The following SUCLG2 variants were observed in gnomAD, a reference collection of about 807,000 sequenced individuals.
SUCLG2 encodes the protein succinate--CoA ligase [GDP-forming] subunit beta, mitochondrial.
SUCLG2 carries 42 observed loss-of-function variants against 47.9 expected under a neutral mutation model. That is an observed-to-expected ratio of 0.88 (90% CI 0.69 to 1.14). The LOEUF (loss-of-function observed/expected upper bound fraction) is 1.14, where lower values mean the gene tolerates loss of function less well. SUCLG2 is among the 50% of genes most tolerant of loss of function. The probability of loss-of-function intolerance (pLI) is 0.00; values close to 1 mark genes in which losing one functional copy is unlikely to be tolerated. For missense variants in SUCLG2, 571 were observed against 525.9 expected (o/e 1.09, Z -0.84); for synonymous variants, 195 against 197.3 (o/e 0.99, Z 0.10).
At chr3:67,363,534 C>G (rs1434288904) in intron 10 of SUCLG2, among the ~76,000 whole-genome samples, 1 of 152,164 alleles carries the variant, frequency 6.6e-6, no homozygotes, top group African/African-American at 2.4e-5. Context: ...TAAGGCTACA[C>G]ATAGTGCAAT....
At chr3:67,647,939 C>T (rs1049752704) in intron 1 of SUCLG2, among the ~76,000 whole-genome samples, 1 of 152,212 alleles carries the variant, frequency 6.6e-6, no homozygotes, top group African/African-American at 2.4e-5. Context: ...GATGGCAGCA[C>T]ATGATAAATG....
chr3:67,480,782 C>T (rs576508946), intron 9 of SUCLG2, among the ~76,000 whole-genome samples: 2 of 152,292 alleles, frequency 1.3e-5, no homozygotes, highest in South Asian at 4.1e-4. Flanking sequence ...TTGGCCTGGC[C>T]TGGGCGAAAG....
chr3:67,407,255 C>T (rs1702834937), intron 9 of SUCLG2, among the ~76,000 whole-genome samples: 1 of 152,138 alleles, frequency 6.6e-6, no homozygotes, highest in Non-Finnish European at 1.5e-5. Context: ...GTTCATTTCC[C>T]CTCAAATTCA....
chr3:67,401,379 A>G (rs1021419163), intron 9 of SUCLG2, among the ~76,000 whole-genome samples: 1 of 152,136 alleles, frequency 6.6e-6, no homozygotes, highest in African/African-American at 2.4e-5. Context: ...AAAATCAGAG[A>G]TAGTTTAATT....
intron 10 of SUCLG2, among the ~76,000 whole-genome samples, chr3:67,390,940 G>C (rs1270732013): frequency 6.6e-6 from 1 of 152,084 alleles, no homozygotes; most frequent in East Asian, 1.9e-4. Context: ...TATGTCTGAA[G>C]AGGAATATGC....
At chr3:67,576,369 T>C (rs1470904459) in intron 2 of SUCLG2, among the ~76,000 whole-genome samples, 3 of 152,058 alleles carry the variant, frequency 2.0e-5, no homozygotes, top group South Asian at 2.1e-4. Context: ...AAGTATTTCA[T>C]GTGGGCCAGT....
intron 10 of SUCLG2, among the ~76,000 whole-genome samples, chr3:67,397,107 T>G (rs1443674440): frequency 6.6e-6 from 1 of 151,332 alleles, no homozygotes; most frequent in Admixed American, 6.6e-5. Context: ...CTTTGAAAAC[T>G]GGCACAAGAC....
At chr3:67,371,592 G>A (rs1312911849), downstream of SUCLG2, among the ~76,000 whole-genome samples, 2 of 152,154 alleles carry the variant, frequency 1.3e-5, no homozygotes, top group Admixed American at 6.6e-5. Flanking sequence ...CATTCACATT[G>A]TAGTCCATAT....
chr3:67,368,466 T>C (rs1701904671), intron 10 of SUCLG2, among the ~76,000 whole-genome samples: 1 of 152,174 alleles, frequency 6.6e-6, no homozygotes, highest in South Asian at 2.1e-4. Context: ...ATTATCCTTA[T>C]GTTGGATTGT....
rs542531823 is a variant in SUCLG2, at chr3:67,634,480, A to G, written c.84+20023T>C. Among the ~76,000 whole-genome samples the G allele has an allele frequency of 2.0e-5, 3 of 152,338 alleles. No individual in the cohort carries two copies. In the East Asian group the frequency reaches 5.8e-4, roughly 29 times the overall value. On this transcript the variant is annotated intron_variant, in intron 1 of 10. Transcript: ENST00000307227. Reference sequence around the variant, plus strand: ...AAGAATTCTGGTGCAAACAAAGTCAACTATTAGTTATCTTATAAAGTTTAT... The same window carrying G: ...AAGAATTCTGGTGCAAACAAAGTCAGCTATTAGTTATCTTATAAAGTTTAT...
chr3:67,612,077 G>T (rs959567397), intron 1 of SUCLG2, among the ~76,000 whole-genome samples: 2 of 152,182 alleles, frequency 1.3e-5, no homozygotes, highest in Admixed American at 1.3e-4. Flanking sequence ...AGCTGGGTGT[G>T]GGCAGGCGCA....
chr3:67,623,856 G>C (rs1167338662), intron 1 of SUCLG2, among the ~76,000 whole-genome samples: 1 of 152,176 alleles, frequency 6.6e-6, no homozygotes, highest in Non-Finnish European at 1.5e-5. Context: ...ACGTGAAGGT[G>C]CTTTGTAAAC....
At chr3:67,549,517 A>C (rs1342509323) in intron 2 of SUCLG2, among the ~76,000 whole-genome samples, 1 of 152,226 alleles carries the variant, frequency 6.6e-6, no homozygotes, top group Non-Finnish European at 1.5e-5. Flanking sequence ...AAATGATATT[A>C]ATATAAAGCC....
At chr3:67,360,811 A>G (rs1385246886) in intron 10 of SUCLG2, 9 of 1,438,048 alleles carry the variant, frequency 6.3e-6, no homozygotes, top group Non-Finnish European at 8.3e-6. Flanking sequence ...TTTTCTTGCA[A>G]TATATTTAGA....
intron 9 of SUCLG2, among the ~76,000 whole-genome samples, chr3:67,426,178 T>TA (rs1345828701): frequency 2.0e-5 from 3 of 151,376 alleles, no homozygotes; most frequent in African/African-American, 4.9e-5. Context: ...GCTAAAAGAA[T>TA]AAAAAAAACA....
At chr3:67,366,258 G>A (rs749716473) in intron 10 of SUCLG2, among the ~76,000 whole-genome samples, 1 of 152,042 alleles carries the variant, frequency 6.6e-6, no homozygotes, top group Non-Finnish European at 1.5e-5. Context: ...TCAGGAGATC[G>A]AGACCATCCT....
At chr3:67,437,105 G>A (rs546083698) in intron 9 of SUCLG2, among the ~76,000 whole-genome samples, 10 of 152,162 alleles carry the variant, frequency 6.6e-5, no homozygotes, top group African/African-American at 2.4e-4. Flanking sequence ...TGGGAGTGGG[G>A]AGAAGTTTTA....
At chr3:67,609,110 G>A (rs1247799865) in intron 2 of SUCLG2, among the ~76,000 whole-genome samples, 1 of 152,210 alleles carries the variant, frequency 6.6e-6, no homozygotes, top group Admixed American at 6.5e-5. Flanking sequence ...ACCTCTAGGT[G>A]TGCCAGGGAA....
At chr3:67,622,732 G>T (rs1314953942) in intron 1 of SUCLG2, among the ~76,000 whole-genome samples, 1 of 152,126 alleles carries the variant, frequency 6.6e-6, no homozygotes, top group African/African-American at 2.4e-5. Flanking sequence ...TAACTACTTT[G>T]AAAAGATTAA....
Sources: allele counts gnomAD v4.1 joint callset (sites outside exome capture counted in the v4.1 genomes callset), GRCh38; gene constraint gnomAD v4.1.1; transcripts MANE v1.5; gene names NCBI Gene and HGNC (gene_info 2026-07-23, HGNC 2026-07-21).